Variants in SOX6 observed in about 807,000 individuals in gnomAD.
The protein encoded by SOX6 is SRY-box transcription factor 6.
In SOX6, 11 loss-of-function variants were observed where a neutral mutation model predicts 97.8. The observed-to-expected ratio is 0.11, with a 90% CI of 0.07 to 0.19. The LOEUF (loss-of-function observed/expected upper bound fraction) is 0.19. Ranked by LOEUF, SOX6 falls within the 10% of genes least tolerant of loss-of-function variation. The pLI, the probability that SOX6 is intolerant of heterozygous loss-of-function variation, is 1.00. For synonymous variants in SOX6, 360 were observed against 371.4 expected (o/e 0.97, Z 0.35); for missense variants, 810 against 1,039.5 (o/e 0.78, Z 3.04).
At chr11:16,525,085 C>T (rs1053351047) in intron 4 of SOX6, among the ~76,000 whole-genome samples, 4 of 152,054 alleles carry the variant, frequency 2.6e-5, no homozygotes, top group African/African-American at 9.7e-5. Flanking sequence ...CAATGCCATC[C>T]CCATCAAGCT....
At chr11:16,450,631 C>A (rs867057831) in intron 1 of SOX6, among the ~76,000 whole-genome samples, 4 of 152,338 alleles carry the variant, frequency 2.6e-5, no homozygotes, top group Middle Eastern at 3.4e-3. Flanking sequence ...CAACTCAATG[C>A]TTTCTTTTCA....
chr11:16,666,565 G>A (rs1280099874), intron 3 of SOX6, among the ~76,000 whole-genome samples: 2 of 152,286 alleles, frequency 1.3e-5, no homozygotes, highest in East Asian at 3.9e-4. Context: ...CAGCTCTTTG[G>A]AAGGCCAAGG....
At chr11:15,980,889 A>G (rs143622909) in intron 15 of SOX6, among the ~76,000 whole-genome samples, 39 of 152,106 alleles carry the variant, frequency 2.6e-4, no homozygotes, top group Non-Finnish European at 5.2e-4. Flanking sequence ...GTGTGTGTAT[A>G]AGACACTATT....
At chr11:16,513,581 T>C (rs1860914639) in intron 4 of SOX6, among the ~76,000 whole-genome samples, 1 of 152,090 alleles carries the variant, frequency 6.6e-6, no homozygotes, top group African/African-American at 2.4e-5. Flanking sequence ...TGCAGTGAGC[T>C]GAGATGGTGC....
intron 3 of SOX6, among the ~76,000 whole-genome samples, chr11:16,655,506 C>T (rs1023891839): frequency 5.3e-5 from 8 of 152,148 alleles, no homozygotes; most frequent in Admixed American, 5.2e-4. Context: ...AAAAATTGAG[C>T]CTGAGTTCTG....
At chr11:16,456,654 T>G (rs1242935874) in intron 1 of SOX6, among the ~76,000 whole-genome samples, 1 of 152,136 alleles carries the variant, frequency 6.6e-6, no homozygotes, top group Non-Finnish European at 1.5e-5. Context: ...ATTAGTTATG[T>G]ATGTCAATGC....
intron 4 of SOX6, among the ~76,000 whole-genome samples, chr11:16,602,755 T>A (rs1284734690): frequency 6.6e-6 from 1 of 151,890 alleles, no homozygotes; most frequent in African/African-American, 2.4e-5. Context: ...GGCGCGGCTG[T>A]TCACGCCTGT....
rs73421009 is a variant in SOX6, at chr11:16,249,800, T to C, written c.446-15129A>G. Among the ~76,000 whole-genome samples, 782 of 152,304 alleles carry C rather than the reference T, an allele frequency of 5.1e-3. 7 individuals carry two copies. The highest frequency in any genetic ancestry group is 0.017 in the African/African-American group (719 of 41,570). On this transcript the variant is annotated intron_variant, in intron 3 of 15. Coordinates refer to ENST00000683767, the MANE Select transcript of SOX6 (RefSeq NM_001367873.1). ...ATATACTGCAGTCTAGTGCTAACTA[T>C]TGTCTAATTTCTTAAAACAGTTATT...
intron 1 of SOX6, among the ~76,000 whole-genome samples, chr11:16,349,869 C>T (rs963977460): frequency 6.6e-6 from 1 of 152,162 alleles, no homozygotes; most frequent in Non-Finnish European, 1.5e-5. Context: ...ACCAATATTT[C>T]CTACAGCTAA....
At chr11:16,661,951 C>T (rs1437536752) in intron 3 of SOX6, among the ~76,000 whole-genome samples, 1 of 152,110 alleles carries the variant, frequency 6.6e-6, no homozygotes, top group Admixed American at 6.6e-5. Flanking sequence ...TCTTCTGTCC[C>T]CTGTAACAGT....
chr11:16,116,789 C>T (rs1015736850), intron 6 of SOX6, among the ~76,000 whole-genome samples: 20 of 152,306 alleles, frequency 1.3e-4, no homozygotes, highest in Admixed American at 1.0e-3. Context: ...GTATTACCGC[C>T]TGAGCTCTGC....
At chr11:16,309,602 A>G (rs1322488932) in intron 3 of SOX6, among the ~76,000 whole-genome samples, 1 of 152,182 alleles carries the variant, frequency 6.6e-6, no homozygotes, top group African/African-American at 2.4e-5. Flanking sequence ...CAATAGTATT[A>G]GAAATTTTTA....
At chr11:16,659,226 G>A (rs979253335) in intron 3 of SOX6, among the ~76,000 whole-genome samples, 3 of 152,196 alleles carry the variant, frequency 2.0e-5, no homozygotes, top group Admixed American at 6.5e-5. Context: ...AAAGTATAAG[G>A]TCGGTATCTA....
At chr11:16,648,911 T>A (rs991706633) in intron 3 of SOX6, among the ~76,000 whole-genome samples, 1 of 151,338 alleles carries the variant, frequency 6.6e-6, no homozygotes, top group South Asian at 2.1e-4. Flanking sequence ...GAAATAGATA[T>A]CAAAAAGAAA....
intron 3 of SOX6, among the ~76,000 whole-genome samples, chr11:16,700,403 G>T (rs1377644462): frequency 6.6e-6 from 1 of 152,178 alleles, no homozygotes; most frequent in Admixed American, 6.5e-5. Flanking sequence ...TATAGGTCAT[G>T]TGAAGAATTT....
chr11:16,385,599 T>G (rs1245180756), intron 1 of SOX6, among the ~76,000 whole-genome samples: 1 of 152,100 alleles, frequency 6.6e-6, no homozygotes, highest in Non-Finnish European at 1.5e-5. Context: ...TCTTTATTAT[T>G]ATGTTGGGAG....
chr11:16,282,121 CAGTA>C lies in SOX6; in HGVS notation c.445+36321_445+36324del, dbSNP rs554770460. Among the ~76,000 whole-genome samples, 9 of 150,796 alleles carry C rather than the reference CAGTA, an allele frequency of 6.0e-5. No homozygotes were observed. In the South Asian group the frequency reaches 1.9e-3, roughly 31 times the overall value. ...TTGGGATACTTTCTCTCATAAATCT[CAGTA>C]AGTTTACCACAATATTTTCATATAT... On this transcript the variant is annotated intron_variant, in intron 3 of 15. Transcript: ENST00000683767.
chr11:16,375,890 G>A (rs1256372414), intron 1 of SOX6, among the ~76,000 whole-genome samples: 1 of 152,080 alleles, frequency 6.6e-6, no homozygotes, highest in Non-Finnish European at 1.5e-5. Flanking sequence ...AAAGAACATG[G>A]ATGAAGCTGG....
chr11:16,209,998 A>G (rs992615376), intron 4 of SOX6, among the ~76,000 whole-genome samples: 2 of 152,130 alleles, frequency 1.3e-5, no homozygotes, highest in Non-Finnish European at 2.9e-5. Flanking sequence ...ATTGTTAATA[A>G]GACAGTATGT....
Sources: allele counts gnomAD v4.1 joint callset (sites outside exome capture counted in the v4.1 genomes callset), GRCh38; gene constraint gnomAD v4.1.1; transcripts MANE v1.5; gene names NCBI Gene and HGNC (gene_info 2026-07-23, HGNC 2026-07-21).